The following HHIP variants were observed in gnomAD, a reference collection of about 807,000 sequenced individuals.
The protein encoded by HHIP is hedgehog interacting protein, also known as hedgehog-interacting protein.
In HHIP, 12 loss-of-function variants were observed where a neutral mutation model predicts 74.0. That is an observed-to-expected ratio of 0.16 (90% CI 0.10 to 0.26). The LOEUF (loss-of-function observed/expected upper bound fraction) is 0.26. Ranked by LOEUF, HHIP falls within the 10% of genes least tolerant of loss-of-function variation. HHIP has a pLI of 1.00. For missense variants in HHIP, 788 were observed against 845.0 expected (o/e 0.93, Z 0.84); for synonymous variants, 309 against 311.6 (o/e 0.99, Z 0.09).
Position 144,646,804 on chromosome 4 carries a change from C to T in HHIP, c.129C>T (p.Asn43=). 2.5e-6 allele frequency: 4 copies of T among 1,614,178 alleles called. No homozygotes were observed. Among genetic ancestry groups the T allele is most frequent in the Non-Finnish European group, 3.4e-6 (4 of 1,180,036 alleles). ...GARRRRCLNG[N]PPKRLKRRDR... ...GGAGGAGAAGGTGCCTGAATGGGAA[C>T]CCCCCGAAGCGCCTGAAAAGGAGAG... The change falls in exon 1 of 13, where the codon AAC becomes AAT. Residue 43 remains asparagine, a synonymous_variant. Transcript: ENST00000296575.
At chr4:144,702,892 C>T (rs1326528434) in intron 4 of HHIP, among the ~76,000 whole-genome samples, 1 of 152,064 alleles carries the variant, frequency 6.6e-6, no homozygotes, top group African/African-American at 2.4e-5. Flanking sequence ...TAAGAATAAA[C>T]ATTTTGGACA....
rs1203613731 is a variant in HHIP at position 144,706,521 on chromosome 4, T to C, written c.832-10T>C. The C allele has an allele frequency of 2.5e-6, 4 of 1,588,482 alleles. No individual in the cohort carries two copies. Among genetic ancestry groups the C allele is most frequent in the Admixed American group, 3.6e-5 (2 of 55,136 alleles). On this transcript the variant is annotated splice_polypyrimidine_tract_variant and intron_variant, in intron 4 of 12. Coordinates refer to ENST00000296575, the MANE Select transcript of HHIP (RefSeq NM_022475.3). ...CTTTACAATTCTTTGTGTTTTTCAT[T>C]TGACTGCAGGGAGGAGATGAAAGAG...
chr4:144,659,096 T>A, intron 3 of HHIP, 150 bp downstream of exon 3: 1 of 597,384 alleles, frequency 1.7e-6, no homozygotes, highest in Non-Finnish European at 2.8e-6. Flanking sequence ...TTTGTTTCTC[T>A]AAAATTCTAG....
chr4:144,728,579 A>AGAAT (rs1470158635), intron 11 of HHIP, among the ~76,000 whole-genome samples: 2 of 152,202 alleles, frequency 1.3e-5, no homozygotes, highest in Non-Finnish European at 2.9e-5. Context: ...GAGTTATTTA[A>AGAAT]GAATACATAA....
At chr4:144,670,193 G>A (rs1294654978) in intron 4 of HHIP, among the ~76,000 whole-genome samples, 6 of 150,568 alleles carry the variant, frequency 4.0e-5, no homozygotes, top group South Asian at 4.2e-4. Flanking sequence ...CCCCGCAGTC[G>A]CTCACGCCTG....
intron 4 of HHIP, among the ~76,000 whole-genome samples, chr4:144,688,940 G>A (rs1729567299): frequency 6.6e-6 from 1 of 152,152 alleles, no homozygotes; most frequent in African/African-American, 2.4e-5. Context: ...ATCTAGGGAC[G>A]ATGCCATACC....
Position 144,706,654 on chromosome 4 carries a change from C to A in HHIP, c.955C>A (p.Leu319Ile). ...RWAIGPHDHI[L>I]RVVEYTVSRK... ...GGCTATCGGGCCTCATGACCACATT[C>A]TTAGGGTTGTGGAATACACAGTATC... The change falls in exon 5 of 13, where the codon CTT (leucine) becomes ATT (isoleucine). Residue 319 changes from leucine (L) to isoleucine (I), a missense_variant. Physicochemically the swap from Leu to Ile is conservative, Grantham distance 5. Transcript: ENST00000296575. 1 of 1,613,658 alleles carries A rather than the reference C, an allele frequency of 6.2e-7. No homozygotes were observed. The highest frequency in any genetic ancestry group is 1.7e-5 in the Admixed American group (1 of 59,956).
At chr4:144,662,159 T>C (rs1319859900) in intron 4 of HHIP, among the ~76,000 whole-genome samples, 1 of 152,254 alleles carries the variant, frequency 6.6e-6, no homozygotes, top group Non-Finnish European at 1.5e-5. Context: ...CCTTGTCTGC[T>C]AATGTAAATT....
chr4:144,701,362 CAGGTGCCAATATATAAAT>C (rs1445058129), intron 4 of HHIP, among the ~76,000 whole-genome samples: 4 of 149,004 alleles, frequency 2.7e-5, no homozygotes, highest in African/African-American at 9.9e-5. Flanking sequence ...GGAGAAAGCT[CAGGTGCCAATATATAAAT>C]TAATCTTTGT....
intron 11 of HHIP, among the ~76,000 whole-genome samples, chr4:144,719,905 T>C (rs979289910): frequency 2.0e-4 from 31 of 152,228 alleles, no homozygotes; most frequent in African/African-American, 7.2e-4. Flanking sequence ...CTAAGGGCAC[T>C]TTAAAATATT....
intron 4 of HHIP, among the ~76,000 whole-genome samples, chr4:144,668,576 A>G (rs1214957358): frequency 6.6e-6 from 1 of 151,908 alleles, no homozygotes; most frequent in Non-Finnish European, 1.5e-5. Flanking sequence ...ATATAGTGAA[A>G]CCCCTTCTTT....
intron 4 of HHIP, among the ~76,000 whole-genome samples, chr4:144,692,868 C>T (rs1729712459): frequency 7.2e-6 from 1 of 138,826 alleles, no homozygotes; most frequent in African/African-American, 2.7e-5. Flanking sequence ...TAAGGTAACT[C>T]TCCCAAAGTT....
intron 4 of HHIP, among the ~76,000 whole-genome samples, chr4:144,702,736 T>C (rs1045104341): frequency 6.6e-6 from 1 of 152,256 alleles, no homozygotes; most frequent in South Asian, 2.1e-4. Context: ...TGTTTGTAAA[T>C]TACTTGTTGC....
At chr4:144,712,412 T>C (rs977863189) in intron 8 of HHIP, among the ~76,000 whole-genome samples, 1 of 152,176 alleles carries the variant, frequency 6.6e-6, no homozygotes, top group African/African-American at 2.4e-5. Flanking sequence ...CTTAACATCT[T>C]ATATACAGAG....
At chr4:144,662,700 T>G (rs894427107) in intron 4 of HHIP, among the ~76,000 whole-genome samples, 1 of 146,006 alleles carries the variant, frequency 6.8e-6, no homozygotes, top group African/African-American at 2.8e-5. Context: ...TGTGTGTGGC[T>G]GTGTGTGTGC....
At chr4:144,657,278 GCC>G (rs1728583126) in intron 2 of HHIP, among the ~76,000 whole-genome samples, 1 of 152,084 alleles carries the variant, frequency 6.6e-6, no homozygotes, top group African/African-American at 2.4e-5. Context: ...TCTTTTATGC[GCC>G]ATTGATGAGT....
Position 144,652,586 on chromosome 4 carries a change from T to C in HHIP, c.280-19T>C. ...ATTTACCTACTAAAAAAAGTTTGCT[T>C]CTGATTTATGGCTTTCAGATATTTT... On this transcript the variant is annotated intron_variant, in intron 1 of 12. Transcript: ENST00000296575. The C allele has an allele frequency of 6.4e-7, 1 of 1,554,020 alleles. No homozygotes were observed. The highest frequency in any genetic ancestry group is 8.7e-7 in the Non-Finnish European group (1 of 1,144,044).
chr4:144,679,095 C>T (rs1237719168), intron 4 of HHIP, among the ~76,000 whole-genome samples: 1 of 152,104 alleles, frequency 6.6e-6, no homozygotes, highest in Non-Finnish European at 1.5e-5. Flanking sequence ...GATGATATCT[C>T]ATTGTAGTTT....
chr4:144,733,594 T>C (rs941435373), intron 11 of HHIP, among the ~76,000 whole-genome samples: 5 of 152,314 alleles, frequency 3.3e-5, no homozygotes, highest in African/African-American at 9.6e-5. Context: ...AATTTACCTC[T>C]TGAGGTTTTG....
Sources: allele counts gnomAD v4.1 joint callset (sites outside exome capture counted in the v4.1 genomes callset), GRCh38; gene constraint gnomAD v4.1.1; transcripts MANE v1.5; gene names NCBI Gene and HGNC (gene_info 2026-07-23, HGNC 2026-07-21).